The following SULF2 variants were observed in gnomAD, a reference collection of about 807,000 sequenced individuals.
The protein encoded by SULF2 is extracellular sulfatase Sulf-2.
Under a neutral mutation model 107.7 loss-of-function variants are expected in SULF2, and 52 were observed. The observed-to-expected ratio is 0.48, with a 90% CI of 0.39 to 0.61. SULF2 has a LOEUF of 0.61. Ranked by LOEUF, SULF2 falls within the 20% of genes least tolerant of loss-of-function variation. The pLI, the probability that SULF2 is intolerant of heterozygous loss-of-function variation, is 0.00. For missense variants in SULF2, 993 were observed against 1,177.3 expected (o/e 0.84, Z 2.29); for synonymous variants, 460 against 464.3 (o/e 0.99, Z 0.12).
chr20:47,667,195 C>T (rs1009187298), intron 11 of SULF2, among the ~76,000 whole-genome samples: 2 of 152,190 alleles, frequency 1.3e-5, no homozygotes, highest in Non-Finnish European at 2.9e-5. Context: ...TTGATTTAAA[C>T]TGGGAAAAAG....
chr20:47,750,802 T>C (rs2090142644), intron 2 of SULF2, among the ~76,000 whole-genome samples: 1 of 152,238 alleles, frequency 6.6e-6, no homozygotes, highest in Non-Finnish European at 1.5e-5. Context: ...TTTGCGGCTC[T>C]GAGCCTGCTG....
At chr20:47,753,981 TA>T (rs1467316117) in intron 2 of SULF2, among the ~76,000 whole-genome samples, 1 of 152,196 alleles carries the variant, frequency 6.6e-6, no homozygotes, top group Admixed American at 6.5e-5. Context: ...CCAACTACTT[TA>T]AACATGTAAT....
At chr20:47,662,119 G>C (rs2087096831) in intron 17 of SULF2, among the ~76,000 whole-genome samples, 1 of 152,198 alleles carries the variant, frequency 6.6e-6, no homozygotes, top group Non-Finnish European at 1.5e-5. Context: ...TGAAAACTCA[G>C]GAGAATAAAA....
At chr20:47,769,167 A>G in intron 1 of SULF2, among the ~76,000 whole-genome samples, 1 of 151,950 alleles carries the variant, frequency 6.6e-6, no homozygotes, top group East Asian at 1.9e-4. Flanking sequence ...CCGCCTCCTG[A>G]GTAGCTGGAA....
chr20:47,773,346 G>A (rs918527625), intron 1 of SULF2, among the ~76,000 whole-genome samples: 6 of 152,248 alleles, frequency 3.9e-5, no homozygotes, highest in Admixed American at 6.5e-5. Flanking sequence ...GCATGAGGAG[G>A]TGGCATAAGG....
intron 2 of SULF2, among the ~76,000 whole-genome samples, chr20:47,738,641 G>A (rs1226860225): frequency 6.6e-6 from 1 of 152,192 alleles, no homozygotes; most frequent in Non-Finnish European, 1.5e-5. Context: ...AGTCTCACGA[G>A]ATTTGATGGT....
intron 1 of SULF2, among the ~76,000 whole-genome samples, chr20:47,759,117 C>T (rs2090360744): frequency 6.6e-6 from 1 of 152,210 alleles, no homozygotes; most frequent in Admixed American, 6.5e-5. Context: ...GTGCCTCGTG[C>T]AGGTACAGAC....
In SULF2 at chr20:47,684,639, G is replaced by T. The variant is rs761991209; in HGVS notation, c.738-58C>A. ...CCAGGGACAGCCTGGACCCTGCCTG[G>T]CCCCCGCCAGACCCGCCCGGATGAG... On this transcript the variant is annotated intron_variant, in intron 5 of 20. Coordinates refer to ENST00000688720, the MANE Select transcript of SULF2 (RefSeq NM_001387048.1). 2.5e-4 allele frequency: 387 copies of T among 1,571,884 alleles called. 2 individuals carry two copies. The Middle Eastern group carries it at 4.2e-3, about 17-fold the overall frequency.
intron 8 of SULF2, among the ~76,000 whole-genome samples, chr20:47,677,400 C>G (rs1008782024): frequency 3.5e-5 from 5 of 143,918 alleles, no homozygotes; most frequent in Admixed American, 1.4e-4. Flanking sequence ...ACCCAAGTAA[C>G]TGTGTGTGTG....
At chr20:47,715,403 C>A (rs984178277) in intron 3 of SULF2, among the ~76,000 whole-genome samples, 1 of 152,154 alleles carries the variant, frequency 6.6e-6, no homozygotes, top group Non-Finnish European at 1.5e-5. Context: ...AGAGTACCAG[C>A]CCCATGAGGG....
In SULF2 at chr20:47,702,547, T is replaced by A. The variant is rs370125640; in HGVS notation, c.539A>T (p.Lys180Ile). ...GGAGTAGTCGGAGCCGTGCTTCTCT[T>A]TCACCCCGTTCCGACACAGCGTGTA... ...YNYTLCRNGV[K>I]EKHGSDYSKD... Residue 180 changes from lysine (K) to isoleucine (I), a missense_variant, in exon 4 of 21, where the codon AAA becomes ATA. Coordinates refer to ENST00000688720, the MANE Select transcript of SULF2 (RefSeq NM_001387048.1). The A allele has an allele frequency of 1.2e-6, 2 of 1,612,802 alleles. No individual in the cohort carries two copies. Among genetic ancestry groups the A allele is most frequent in the Non-Finnish European group, 1.7e-6 (2 of 1,180,018 alleles).
chr20:47,697,662 G>A (rs1400494649), intron 4 of SULF2, among the ~76,000 whole-genome samples: 2 of 152,174 alleles, frequency 1.3e-5, no homozygotes, highest in African/African-American at 4.8e-5. Flanking sequence ...CCAGGCCCCT[G>A]GTAACTGGGG....
chr20:47,714,994 T>G (rs958415248), intron 3 of SULF2, among the ~76,000 whole-genome samples: 1 of 152,068 alleles, frequency 6.6e-6, no homozygotes, highest in African/African-American at 2.4e-5. Flanking sequence ...CGTGGCTCAC[T>G]GTACCCTCAA....
Position 47,697,006 on chromosome 20 carries a change from C to T in SULF2, c.567+5513G>A, listed in dbSNP as rs912213252. ...CCAGATAGACAGAGAAGTGTACACG[C>T]TGCGGCAAGGGGCGGGGCACATGAA... On this transcript the variant is annotated intron_variant, in intron 4 of 20. Transcript: ENST00000688720. 6.6e-5 allele frequency among the ~76,000 whole-genome samples: 10 copies of T among 152,318 alleles called. No homozygotes were observed. In the South Asian group the frequency reaches 1.2e-3, roughly 19 times the overall value.
chr20:47,721,711 G>T (rs2089302686), intron 3 of SULF2, among the ~76,000 whole-genome samples: 1 of 152,144 alleles, frequency 6.6e-6, no homozygotes, highest in South Asian at 2.1e-4. Flanking sequence ...TTATTTTTCT[G>T]CCCAGAATCC....
At chr20:47,738,171 A>C (rs1411683694) in intron 2 of SULF2, among the ~76,000 whole-genome samples, 1 of 152,222 alleles carries the variant, frequency 6.6e-6, no homozygotes, top group African/African-American at 2.4e-5. Context: ...AGGTCCCAGG[A>C]GGGCAAAGGC....
chr20:47,780,015 CTTTTTTT>C (rs74178766), intron 1 of SULF2, among the ~76,000 whole-genome samples: 1 of 120,494 alleles, frequency 8.3e-6, no homozygotes, highest in African/African-American at 3.2e-5. Context: ...CCCTAGTTGA[CTTTTTTT>C]TTTTTTTTTT....
intron 3 of SULF2, among the ~76,000 whole-genome samples, chr20:47,726,843 C>T (rs1459177825): frequency 6.6e-6 from 1 of 152,196 alleles, no homozygotes; most frequent in African/African-American, 2.4e-5. Flanking sequence ...TCTGTCACCA[C>T]AGTCACCCTT....
intron 5 of SULF2, among the ~76,000 whole-genome samples, chr20:47,688,859 A>C (rs1475238588): frequency 6.6e-6 from 1 of 152,228 alleles, no homozygotes; most frequent in Non-Finnish European, 1.5e-5. Flanking sequence ...TGAGGAGGGC[A>C]ATGTATTCAG....
Sources: gnomAD v4.1 joint callset for allele counts (sites outside exome capture counted in the v4.1 genomes callset) on GRCh38, gnomAD v4.1.1 for gene constraint, MANE v1.5 for transcripts, NCBI Gene and HGNC (gene_info 2026-07-23, HGNC 2026-07-21) for gene names.